PTPRQ: variants seen among roughly 807,000 people sequenced by gnomAD.
PTPRQ encodes phosphatidylinositol phosphatase PTPRQ.
A neutral mutation model predicts 246.0 loss-of-function variants in PTPRQ; 199 were observed. The observed-to-expected ratio is 0.81, with a 90% CI of 0.72 to 0.91. The LOEUF (loss-of-function observed/expected upper bound fraction) is 0.91. Ranked by LOEUF, PTPRQ falls within the 40% of genes least tolerant of loss-of-function variation. The pLI is 0.00. For missense variants in PTPRQ, 2,624 were observed against 2,528.4 expected (o/e 1.04, Z -0.81); for synonymous variants, 869 against 853.2 (o/e 1.02, Z -0.32).
intron 43 of PTPRQ, among the ~76,000 whole-genome samples, chr12:80,676,347 A>G: frequency 6.6e-6 from 1 of 152,170 alleles, no homozygotes; most frequent in East Asian, 1.9e-4. Context: ...TCACTCAAAA[A>G]ACAATGCACT....
At chr12:80,541,979 T>C in intron 21 of PTPRQ, 110 bp from the exon 22 acceptor site, 1 of 1,469,522 alleles carries the variant, frequency 6.8e-7, no homozygotes, top group Non-Finnish European at 9.0e-7. Flanking sequence ...ATAAACACAG[T>C]GTTTCTTAAA....
intron 3 of PTPRQ, 21 bp downstream of exon 3, chr12:80,445,738 T>A: frequency 7.2e-7 from 1 of 1,395,626 alleles, no homozygotes; most frequent in Non-Finnish European, 9.9e-7. Context: ...TGTGTATGAC[T>A]ACTTAGTGTT....
At chr12:80,623,975 C>T (rs1899098790) in intron 33 of PTPRQ, among the ~76,000 whole-genome samples, 2 of 152,160 alleles carry the variant, frequency 1.3e-5, no homozygotes, top group Non-Finnish European at 2.9e-5. Flanking sequence ...AGCTCCTCAG[C>T]AATGGTCTTC....
At chr12:80,570,751 T>C (rs1219980451) in intron 25 of PTPRQ, among the ~76,000 whole-genome samples, 3 of 152,202 alleles carry the variant, frequency 2.0e-5, no homozygotes, top group Non-Finnish European at 4.4e-5. Flanking sequence ...CATCTTGAGT[T>C]AATTTTTGTA....
At position 80,640,074 on chromosome 12, in the gene PTPRQ, G is replaced by A. The variant is rs138234389; in HGVS notation, c.5915+5001G>A. ...TGTGTGTGTGTGTGTGTTTAACTTC[G>A]AAGCATACTAGAGAAGATTAATGTA... is the stretch of plus-strand genomic sequence containing the variant. On this transcript the variant is annotated intron_variant, in intron 35 of 44. Coordinates refer to ENST00000644991, the MANE Select transcript of PTPRQ (RefSeq NM_001145026.2). Among the ~76,000 whole-genome samples the A allele has an allele frequency of 1.5e-3, 214 of 147,306 alleles. 1 individual carries two copies. Among genetic ancestry groups the A allele is most frequent in the Middle Eastern group, 6.9e-3 (2 of 288 alleles).
chr12:80,578,742 G>A (rs1897346443), intron 25 of PTPRQ, among the ~76,000 whole-genome samples: 1 of 152,166 alleles, frequency 6.6e-6, no homozygotes, highest in African/African-American at 2.4e-5. Context: ...TATGGATGTT[G>A]TCGAGGACAT....
intron 25 of PTPRQ, among the ~76,000 whole-genome samples, chr12:80,566,660 C>A (rs1213005353): frequency 2.0e-5 from 3 of 152,004 alleles, no homozygotes; most frequent in Non-Finnish European, 4.4e-5. Context: ...CTGCCTCAGT[C>A]TCCCGAGTAG....
chr12:80,467,851 C>G (rs1221691496), intron 6 of PTPRQ, among the ~76,000 whole-genome samples: 1 of 150,828 alleles, frequency 6.6e-6, no homozygotes, highest in Non-Finnish European at 1.5e-5. Flanking sequence ...ACTCTGGGGA[C>G]TGTTGTGGGG....
At chr12:80,638,267 T>TAAAA (rs148232481) in intron 35 of PTPRQ, among the ~76,000 whole-genome samples, 1 of 138,610 alleles carries the variant, frequency 7.2e-6, no homozygotes, top group African/African-American at 2.7e-5. Flanking sequence ...GAAACTCCGT[T>TAAAA]AAAAAAAAAA....
Position 80,506,060 on chromosome 12 carries a change from A to AAT in PTPRQ, c.2309_2310insAT (p.Asn770LysfsTer40), listed in dbSNP as rs759619251. The AAT allele has an allele frequency of 1.6e-5, 25 of 1,547,072 alleles. No homozygotes were observed. Among genetic ancestry groups the AAT allele is most frequent in the Non-Finnish European group, 1.8e-5 (21 of 1,145,020 alleles). On this transcript the variant is annotated frameshift_variant, in exon 15 of 45. Coordinates refer to ENST00000644991, the MANE Select transcript of PTPRQ (RefSeq NM_001145026.2). LOFTEE classifies it high-confidence loss of function. ...GCACCAGAAAATATCACTTACAAAA[A>AAT]TATTTCTTCTGGAGAGATTGAGCTA...
chr12:80,549,435 T>G, intron 24 of PTPRQ, 30 bp from the exon 25 acceptor site: 1 of 1,518,212 alleles, frequency 6.6e-7, no homozygotes, highest in Non-Finnish European at 8.9e-7. Context: ...TGTATACACT[T>G]TAACTTTGGG....
At chr12:80,446,462 G>GA (rs1208038731) in intron 3 of PTPRQ, among the ~76,000 whole-genome samples, 1 of 151,666 alleles carries the variant, frequency 6.6e-6, no homozygotes, top group African/African-American at 2.4e-5. Context: ...TGATTCAGGG[G>GA]ACATGTGTGC....
At chr12:80,620,495 G>T (rs17006999) in intron 32 of PTPRQ, 119 bp downstream of exon 32, 13 of 1,393,174 alleles carry the variant, frequency 9.3e-6, no homozygotes, top group Middle Eastern at 2.5e-4. Flanking sequence ...CACGTATAGT[G>T]ACCTGATTTT....
chr12:80,618,032 G>T (rs1325453428), intron 30 of PTPRQ, among the ~76,000 whole-genome samples: 1 of 151,180 alleles, frequency 6.6e-6, no homozygotes, highest in Non-Finnish European at 1.5e-5. Context: ...ATTCTTCACA[G>T]ATAATTCCCC....
chr12:80,657,775 A>T (rs1900492056), intron 38 of PTPRQ, among the ~76,000 whole-genome samples: 1 of 151,948 alleles, frequency 6.6e-6, no homozygotes, highest in Admixed American at 6.6e-5. Flanking sequence ...GAATATGTAT[A>T]GAAAATTCTG....
chr12:80,596,591 A>G (rs1897977217), intron 26 of PTPRQ, among the ~76,000 whole-genome samples: 2 of 152,054 alleles, frequency 1.3e-5, no homozygotes, highest in Admixed American at 1.3e-4. Flanking sequence ...AATTGAATTA[A>G]CTTTTACTCT....
intron 25 of PTPRQ, among the ~76,000 whole-genome samples, chr12:80,575,833 C>T (rs1250788525): frequency 7.0e-6 from 1 of 143,826 alleles, no homozygotes; most frequent in Non-Finnish European, 1.5e-5. Flanking sequence ...GAGCGAAACC[C>T]CATCTCAAAA....
chr12:80,541,238 G>A (rs193115569), intron 20 of PTPRQ, among the ~76,000 whole-genome samples: 170 of 151,834 alleles, frequency 1.1e-3, no homozygotes, highest in Non-Finnish European at 2.1e-3. Flanking sequence ...ATTTAAATAA[G>A]GCAGTATACA....
At chr12:80,644,912 A>C (rs1534497) in intron 35 of PTPRQ, among the ~76,000 whole-genome samples, 1 of 151,884 alleles carries the variant, frequency 6.6e-6, no homozygotes, top group African/African-American at 2.4e-5. Flanking sequence ...TTTTATTTGA[A>C]ATAGTCAGGT....
Sources: gnomAD v4.1 joint callset for allele counts (sites outside exome capture counted in the v4.1 genomes callset) on GRCh38, gnomAD v4.1.1 for gene constraint, MANE v1.5 for transcripts, NCBI Gene and HGNC (gene_info 2026-07-23, HGNC 2026-07-21) for gene names.